Variants in ZPLD1 observed in about 807,000 individuals in gnomAD.
ZPLD1 encodes zona pellucida like domain containing 1.
A neutral mutation model predicts 47.2 loss-of-function variants in ZPLD1; 34 were observed. That is an observed-to-expected ratio of 0.72 (90% CI 0.55 to 0.96). The LOEUF (loss-of-function observed/expected upper bound fraction) is 0.96. Ranked by LOEUF, ZPLD1 falls within the 40% of genes least tolerant of loss-of-function variation. The pLI is 0.00. For synonymous variants in ZPLD1, 176 were observed against 186.2 expected, an observed-to-expected ratio of 0.95 and a Z score of 0.45; for missense variants, 512 against 505.8, an observed-to-expected ratio of 1.01 and a Z score of -0.12.
chr3:102,407,829 T>C (rs947029213), intron 7 of ZPLD1, among the ~76,000 whole-genome samples: 9 of 151,760 alleles, frequency 5.9e-5, no homozygotes, highest in African/African-American at 2.2e-4. Context: ...TGATTATTTA[T>C]TTATAGCAAA....
intron 5 of ZPLD1, among the ~76,000 whole-genome samples, 169 bp downstream of exon 5, chr3:102,456,543 TTATA>T (rs753149522): frequency 1.1e-3 from 132 of 125,406 alleles, no homozygotes; most frequent in African/African-American, 3.8e-3. Flanking sequence ...TGTTTATCTA[TTATA>T]TCTATCTATC....
intron 6 of ZPLD1, among the ~76,000 whole-genome samples, chr3:102,459,404 T>C (rs917251605): frequency 1.3e-5 from 2 of 152,162 alleles, no homozygotes; most frequent in African/African-American, 4.8e-5. Flanking sequence ...ACTATTATTT[T>C]CTGTGAAATT....
intron 8 of ZPLD1, among the ~76,000 whole-genome samples, chr3:102,419,869 ATT>A (rs377245145): frequency 3.7e-5 from 5 of 134,926 alleles, no homozygotes; most frequent in Non-Finnish European, 6.5e-5. Context: ...CAAGGAACTC[ATT>A]TTTTTTTTTT....
chr3:102,402,073 T>G (rs1034949212), intron 7 of ZPLD1, among the ~76,000 whole-genome samples: 4 of 152,058 alleles, frequency 2.6e-5, no homozygotes. Flanking sequence ...CTTTCTATAA[T>G]TAAAAAATGC....
chr3:102,441,516 A>G (rs527945829), intron 3 of ZPLD1, among the ~76,000 whole-genome samples: 20 of 152,294 alleles, frequency 1.3e-4, no homozygotes, highest in African/African-American at 3.8e-4. Context: ...TCTTGAGCCA[A>G]TTATTCCAAT....
At chr3:102,432,995 T>C (rs1417151321), upstream of ZPLD1, among the ~76,000 whole-genome samples, 1 of 152,218 alleles carries the variant, frequency 6.6e-6, no homozygotes, top group East Asian at 1.9e-4. Context: ...ATAGCACTTA[T>C]CACAAATATA....
rs1576156716 is a variant in ZPLD1, at chr3:102,453,140, G to C, written c.327+1G>C. ...GGAGGGCTGTGGAAACAACCTGGTGGTAAGATTAGTGTGACATTGTGTGCT... is the reference window on the plus strand; with the variant it reads ...GGAGGGCTGTGGAAACAACCTGGTGCTAAGATTAGTGTGACATTGTGTGCT... On this transcript the variant is annotated splice_donor_variant, in intron 4 of 11. Coordinates refer to ENST00000466937, the MANE Select transcript of ZPLD1 (RefSeq NM_001329788.2). LOFTEE classifies it high-confidence loss of function. The C allele has an allele frequency of 6.2e-7, 1 of 1,613,460 alleles. No homozygotes were observed. The highest frequency in any genetic ancestry group is 8.5e-7 in the Non-Finnish European group (1 of 1,179,564).
intron 8 of ZPLD1, among the ~76,000 whole-genome samples, chr3:102,464,771 T>C (rs1039625792): frequency 2.6e-5 from 4 of 152,148 alleles, no homozygotes; most frequent in East Asian, 1.9e-4. Flanking sequence ...CCTTCCCCAA[T>C]AGACAGTGAT....
At chr3:102,411,870 CA>C (rs1706751091) in intron 7 of ZPLD1, among the ~76,000 whole-genome samples, 1 of 151,784 alleles carries the variant, frequency 6.6e-6, no homozygotes, top group Non-Finnish European at 1.5e-5. Context: ...CTGTCGATCT[CA>C]ATGTCTTAAT....
At chr3:102,442,818 ACCATGGTCTAATT>A (rs71978024) in intron 3 of ZPLD1, among the ~76,000 whole-genome samples, 8,393 of 152,208 alleles carry the variant, frequency 0.055, 788 homozygotes, top group African/African-American at 0.19. Context: ...CAAGAGAAGC[ACCATGGTCTAATT>A]CATTTAAATT....
chr3:102,409,717 A>AT (rs1045495594), intron 7 of ZPLD1, among the ~76,000 whole-genome samples: 2 of 151,706 alleles, frequency 1.3e-5, no homozygotes, highest in Non-Finnish European at 2.9e-5. Context: ...TGGAGTTTCC[A>AT]TTTTTTGCTG....
intron 7 of ZPLD1, among the ~76,000 whole-genome samples, chr3:102,399,913 G>A (rs552553314): frequency 4.6e-5 from 7 of 152,034 alleles, no homozygotes; most frequent in Admixed American, 1.3e-4. Context: ...TTACATCCCA[G>A]GTTCAAGCAA....
chr3:102,401,457 C>T (rs1030520035), intron 7 of ZPLD1, among the ~76,000 whole-genome samples: 5 of 152,186 alleles, frequency 3.3e-5, no homozygotes, highest in South Asian at 4.1e-4. Context: ...GTTCTCATCT[C>T]CTCTGAATTT....
intron 3 of ZPLD1, among the ~76,000 whole-genome samples, 158 bp from the exon 4 acceptor site, chr3:102,452,761 A>G (rs1707356983): frequency 1.4e-5 from 2 of 142,376 alleles, no homozygotes; most frequent in Admixed American, 1.4e-4. Flanking sequence ...TTTCTTGTCT[A>G]CTTTACTTAA....
chr3:102,390,135 G>C (rs560010602), intron 6 of ZPLD1, among the ~76,000 whole-genome samples: 3 of 152,272 alleles, frequency 2.0e-5, no homozygotes, highest in Middle Eastern at 6.8e-3. Flanking sequence ...GGTCTCAGTA[G>C]TTTCTGTGAG....
chr3:102,454,283 A>T (rs925872927), intron 4 of ZPLD1, among the ~76,000 whole-genome samples: 1 of 152,140 alleles, frequency 6.6e-6, no homozygotes, highest in Non-Finnish European at 1.5e-5. Flanking sequence ...ACGTTTATTC[A>T]ACTCTCTGAG....
chr3:102,411,806 G>C (rs1216611281), intron 7 of ZPLD1, among the ~76,000 whole-genome samples: 1 of 151,790 alleles, frequency 6.6e-6, no homozygotes, highest in Non-Finnish European at 1.5e-5. Flanking sequence ...TATAAAACTG[G>C]CTTGCTGTAT....
intron 5 of ZPLD1, among the ~76,000 whole-genome samples, 199 bp from the exon 6 acceptor site, chr3:102,457,582 G>A (rs901838467): frequency 6.6e-6 from 1 of 152,128 alleles, no homozygotes; most frequent in African/African-American, 2.4e-5. Flanking sequence ...TGATCATAAA[G>A]AATAGCTTGT....
At chr3:102,470,563 G>C (rs1707667444) in intron 10 of ZPLD1, 61 bp downstream of exon 10, 1 of 1,374,776 alleles carries the variant, frequency 7.3e-7, no homozygotes, top group Non-Finnish European at 1.0e-6. Context: ...TCGTTACTTG[G>C]CTTCTAACGA....
Sources: allele counts gnomAD v4.1 joint callset (sites outside exome capture counted in the v4.1 genomes callset), GRCh38; gene constraint gnomAD v4.1.1; transcripts MANE v1.5; gene names NCBI Gene and HGNC (gene_info 2026-07-23, HGNC 2026-07-21).